Variants in SYCP2L observed in about 807,000 individuals in gnomAD.
The protein encoded by SYCP2L is synaptonemal complex protein 2 like.
Under a neutral mutation model 125.8 loss-of-function variants are expected in SYCP2L, and 98 were observed. The observed-to-expected ratio is 0.78, with a 90% confidence interval of 0.66 to 0.92. The LOEUF is 0.92. Ranked by LOEUF, SYCP2L falls within the 40% of genes least tolerant of loss-of-function variation. The pLI, the probability that SYCP2L is intolerant of heterozygous loss-of-function variation, is 0.00. For missense variants in SYCP2L, 842 were observed against 936.4 expected, an observed-to-expected ratio of 0.90 and a Z score of 1.32; for synonymous variants, 317 against 325.4, an observed-to-expected ratio of 0.97 and a Z score of 0.28.
At position 10,894,288 on chromosome 6, in the gene SYCP2L, T is replaced by C. The variant is rs1429427540; in HGVS notation, c.336+84T>C. 5 of 1,482,948 alleles carry C rather than the reference T, an allele frequency of 3.4e-6. No individual in the cohort carries two copies. The South Asian group carries it at 4.9e-5, about 15-fold the overall frequency. 91.9% of individuals were successfully genotyped at this position (1,482,948 alleles called of 1,614,324 possible). A position where few individuals can be genotyped will look rare whatever the true frequency, so the allele number is the denominator to read the frequency against. The stretch of plus-strand genomic sequence containing the variant: ...TTAGTTGTCTAGTTAAGTTTGGTAT[T>C]TTCTGTTCCTTTGAAATCCAATTTG... On this transcript the variant is annotated intron_variant, in intron 4 of 29. Transcript: ENST00000283141.
chr6:10,912,653 G>A lies in SYCP2L; in HGVS notation c.919-20G>A. On this transcript the variant is annotated intron_variant, in intron 12 of 29. Coordinates refer to ENST00000283141, the MANE Select transcript of SYCP2L (RefSeq NM_001040274.3). This position sits in a 1 kb window ranked among gnomAD's most constrained non-coding sequence, Gnocchi z 4.1. ...CATGATTTTTATGTGTATAAGTCAT[G>A]CTGAAATGATCTCTTACAGATGAGA... is the stretch of plus-strand genomic sequence containing the variant. 6 of 1,576,798 alleles carry A rather than the reference G, an allele frequency of 3.8e-6. No homozygotes were observed. Among genetic ancestry groups the A allele is most frequent in the East Asian group, 2.2e-5 (1 of 44,658 alleles).
chr6:10,910,210 G>A lies in SYCP2L; in HGVS notation c.872+10G>A. Reference sequence around the variant, plus strand: ...TTGGTGACCAAAGAAGGTAAGTTGTGTCTCTGAGCATTATTGACTAGTTGT... The same window carrying A: ...TTGGTGACCAAAGAAGGTAAGTTGTATCTCTGAGCATTATTGACTAGTTGT... On this transcript the variant is annotated intron_variant, in intron 11 of 29. Coordinates refer to ENST00000283141, the MANE Select transcript of SYCP2L (RefSeq NM_001040274.3). 2 of 1,612,370 alleles carry A rather than the reference G, an allele frequency of 1.2e-6. No homozygotes were observed. Among genetic ancestry groups the A allele is most frequent in the Non-Finnish European group, 1.7e-6 (2 of 1,178,692 alleles).
rs180739508 is a variant in SYCP2L, at chr6:10,948,036, T to C, written c.1954+5290T>C. ...AATTTTCTCCTTTGGTTTCTTTTTT[T>C]CCCTCCAGCTTTATTGAGGAATAAT... is the stretch of plus-strand genomic sequence containing the variant. On this transcript the variant is annotated intron_variant, in intron 23 of 29. Coordinates refer to ENST00000283141, the MANE Select transcript of SYCP2L (RefSeq NM_001040274.3). Among the ~76,000 whole-genome samples the C allele has an allele frequency of 3.1e-3, 469 of 152,260 alleles. 1 individual carries two copies. The highest frequency in any genetic ancestry group is 5.0e-3 in the Non-Finnish European group (338 of 67,968).
intron 14 of SYCP2L, among the ~76,000 whole-genome samples, chr6:10,921,963 C>T (rs938707238): frequency 2.0e-5 from 3 of 152,172 alleles, no homozygotes; most frequent in Admixed American, 6.5e-5. Flanking sequence ...GCCTCGGCCT[C>T]CCAAAGTGCT....
chr6:10,907,535 T>C lies in SYCP2L; in HGVS notation c.677-7T>C, dbSNP rs200943105. ...TTATCTATGTCTACTATGTTTTTAA[T>C]CTCTAGATTATGACCAGCAGGTTGC... On this transcript the variant is annotated splice_polypyrimidine_tract_variant and splice_region_variant and intron_variant, in intron 9 of 29. Coordinates refer to ENST00000283141, the MANE Select transcript of SYCP2L (RefSeq NM_001040274.3). The C allele has an allele frequency of 6.2e-7, 1 of 1,607,234 alleles. No homozygotes were observed. The highest frequency in any genetic ancestry group is 8.5e-7 in the Non-Finnish European group (1 of 1,177,766).
At chr6:10,909,309 G>C (rs1181361419) in intron 10 of SYCP2L, among the ~76,000 whole-genome samples, 1 of 151,652 alleles carries the variant, frequency 6.6e-6, no homozygotes, top group Admixed American at 6.6e-5. Flanking sequence ...TGTATTTTTA[G>C]TAGAGACGGG....
intron 4 of SYCP2L, among the ~76,000 whole-genome samples, chr6:10,894,712 A>G (rs1301434741): frequency 1.0e-5 from 1 of 95,748 alleles, no homozygotes; most frequent in African/African-American, 3.9e-5. Context: ...TTTTAAAAAT[A>G]ATAACCAAGA....
chr6:10,974,303 G>A lies in SYCP2L; in HGVS notation c.*389G>A, dbSNP rs1223672454. The A allele has an allele frequency of 6.6e-6, 1 of 152,042 alleles. No homozygotes were observed. Among genetic ancestry groups the A allele is most frequent in the Admixed American group, 6.6e-5 (1 of 15,256 alleles). 9.4% of individuals were successfully genotyped at this position (152,042 alleles called of 1,614,324 possible). On this transcript the variant is annotated 3_prime_UTR_variant, in exon 30 of 30. Transcript: ENST00000283141. ...TGAATAAAACACTTTAGCAGCATCT[G>A]TATAAATACAATTGGATGTGTCTCT...
intron 14 of SYCP2L, among the ~76,000 whole-genome samples, chr6:10,918,703 A>AT (rs1334557434): frequency 6.6e-6 from 1 of 151,724 alleles, no homozygotes; most frequent in Non-Finnish European, 1.5e-5. Context: ...TACCCAGCTA[A>AT]TTTTTGTATT....
At chr6:10,941,966 A>C (rs1176453210) in intron 21 of SYCP2L, among the ~76,000 whole-genome samples, 2 of 151,732 alleles carry the variant, frequency 1.3e-5, no homozygotes, top group South Asian at 4.2e-4. Flanking sequence ...ATGGAATACT[A>C]TGCAGCCATA....
chr6:10,963,899 G>C, intron 29 of SYCP2L, 56 bp downstream of exon 29: 1 of 1,348,836 alleles, frequency 7.4e-7, no homozygotes, highest in South Asian at 1.2e-5. Flanking sequence ...AGGGCAGGGA[G>C]CAAGCTCTAA....
chr6:10,955,546 C>T lies in SYCP2L; in HGVS notation c.2056+329C>T, dbSNP rs192980782. Among the ~76,000 whole-genome samples the T allele has an allele frequency of 4.7e-3, 711 of 152,142 alleles. 4 individuals are homozygous for T. Among genetic ancestry groups the T allele is most frequent in the African/African-American group, 0.013 (523 of 41,490 alleles). Reference sequence around the variant, plus strand: ...ATTTTTGTGTGAGAAATATCTATACCGATTAAGAAGAATGATCTGGAATGT... The same window carrying T: ...ATTTTTGTGTGAGAAATATCTATACTGATTAAGAAGAATGATCTGGAATGT... On this transcript the variant is annotated intron_variant, in intron 24 of 29. Transcript: ENST00000283141.
chr6:10,945,473 A>C (rs1050071931), intron 23 of SYCP2L, among the ~76,000 whole-genome samples: 1 of 151,916 alleles, frequency 6.6e-6, no homozygotes. Context: ...CTTTTTTCTA[A>C]ATAATAAGTC....
Position 10,912,585 on chromosome 6 carries a change from C to G in SYCP2L, c.919-88C>G, listed in dbSNP as rs1780628900. 1 of 976,418 alleles carries G rather than the reference C, an allele frequency of 1.0e-6. No individual in the cohort carries two copies. The highest frequency in any genetic ancestry group is 2.0e-5 in the Admixed American group (1 of 49,898). The allele number at this position is 976,418 out of a possible 1,614,324, so 60.5% of individuals were successfully genotyped here. A position where few individuals can be genotyped will look rare whatever the true frequency, so the allele number is the denominator to read the frequency against. On this transcript the variant is annotated intron_variant, in intron 12 of 29. Transcript: ENST00000283141. The surrounding 1 kb of genome is among the most constrained non-coding windows in gnomAD (Gnocchi z 4.1). ...GGATAATGCTGTTCCAGGAAGAGCA[C>G]AAATTCTATTTTCAAGGGAATAATG...
chr6:10,909,787 A>G (rs1290791946), intron 10 of SYCP2L, among the ~76,000 whole-genome samples: 1 of 152,142 alleles, frequency 6.6e-6, no homozygotes, highest in Non-Finnish European at 1.5e-5. Flanking sequence ...AGGGAGGTGG[A>G]TGCCCAATGG....
At chr6:10,930,577 AT>A (rs1780978387) in intron 19 of SYCP2L, 63 bp downstream of exon 19, 1 of 1,524,210 alleles carries the variant, frequency 6.6e-7, no homozygotes, top group Non-Finnish European at 8.9e-7. Context: ...TCAGATATTT[AT>A]TTTTCAGTAT....
chr6:10,889,775 C>G (rs936022223), intron 1 of SYCP2L, among the ~76,000 whole-genome samples: 1 of 152,144 alleles, frequency 6.6e-6, no homozygotes, highest in African/African-American at 2.4e-5. Context: ...CATGCGCCAC[C>G]CTGCCCGGAT....
intron 23 of SYCP2L, among the ~76,000 whole-genome samples, chr6:10,945,412 G>A (rs1336082314): frequency 6.6e-6 from 1 of 152,012 alleles, no homozygotes; most frequent in Non-Finnish European, 1.5e-5. Flanking sequence ...TATGATTGTG[G>A]ATTTGCTGGT....
intron 10 of SYCP2L, among the ~76,000 whole-genome samples, chr6:10,909,396 G>A (rs1236028270): frequency 2.0e-5 from 3 of 152,266 alleles, no homozygotes; most frequent in East Asian, 3.9e-4. Context: ...CCAAAGTGCT[G>A]GGATTACAGG....
Sources: allele counts gnomAD v4.1 joint callset (sites outside exome capture counted in the v4.1 genomes callset), GRCh38; gene constraint gnomAD v4.1.1; non-coding constraint Gnocchi (gnomAD v3.1); transcripts MANE v1.5; gene names NCBI Gene and HGNC (gene_info 2026-07-23, HGNC 2026-07-21).